Variants in ARMC2 observed in about 807,000 individuals in gnomAD.
ARMC2 encodes armadillo repeat containing 2.
In ARMC2, 67 loss-of-function variants were observed where a neutral mutation model predicts 90.3. That is an observed-to-expected ratio of 0.74 (90% CI 0.61 to 0.91). The LOEUF is 0.91. Among genes scored for constraint, ARMC2 ranks in the 40% least tolerant of loss-of-function variants. The probability of loss-of-function intolerance (pLI) is 0.00; values close to 1 mark genes in which losing one functional copy is unlikely to be tolerated. For missense variants in ARMC2, 920 were observed against 1,030.9 expected (o/e 0.89, Z 1.47); for synonymous variants, 393 against 393.0 (o/e 1.00, Z 0.00).
chr6:108,983,492 T>C, the ARMC2 span, among the ~76,000 whole-genome samples: 3 of 152,198 alleles, frequency 2.0e-5, no homozygotes, highest in South Asian at 6.2e-4. Flanking sequence ...CCTAGCACCA[T>C]TTGTTAAAGA....
downstream of ARMC2, among the ~76,000 whole-genome samples, chr6:108,977,650 C>T (rs989557508): frequency 6.6e-6 from 1 of 152,144 alleles, no homozygotes; most frequent in African/African-American, 2.4e-5. Flanking sequence ...GGTTGATATG[C>T]TATTAATTGC....
intron 4 of ARMC2, among the ~76,000 whole-genome samples, 172 bp downstream of exon 4, chr6:108,869,167 G>A (rs188856554): frequency 3.2e-4 from 48 of 152,302 alleles, no homozygotes; most frequent in Admixed American, 2.9e-3. Context: ...TATTTTTCTG[G>A]GTGCTTATAA....
At chr6:108,998,122 C>T in the ARMC2 span, among the ~76,000 whole-genome samples, 2 of 152,092 alleles carry the variant, frequency 1.3e-5, no homozygotes, top group Admixed American at 6.6e-5. Flanking sequence ...TTATTTTGTG[C>T]AAAAGAGAAG....
the ARMC2 span, chr6:109,000,705 T>C: frequency 1.2e-5 from 17 of 1,461,146 alleles, no homozygotes; most frequent in East Asian, 3.0e-4. Flanking sequence ...TAATTATAAA[T>C]ATTAAAACCT....
the ARMC2 span, among the ~76,000 whole-genome samples, chr6:109,013,676 G>A: frequency 6.6e-6 from 1 of 152,168 alleles, no homozygotes; most frequent in South Asian, 2.1e-4. Context: ...TGCAGTAATT[G>A]GTTAGAAAAC....
the ARMC2 span, chr6:108,990,835 C>T: frequency 1.9e-6 from 3 of 1,612,848 alleles, no homozygotes; most frequent in Non-Finnish European, 2.5e-6. Context: ...CAGCAATAGT[C>T]CTAAATACAG....
intron 10 of ARMC2, among the ~76,000 whole-genome samples, chr6:108,914,740 A>G (rs951696746): frequency 2.0e-5 from 3 of 152,162 alleles, no homozygotes; most frequent in African/African-American, 7.2e-5. Flanking sequence ...AATGAAAACA[A>G]AAGCTGTTTT....
At chr6:108,889,557 C>T (rs1468095199) in intron 5 of ARMC2, among the ~76,000 whole-genome samples, 4 of 151,962 alleles carry the variant, frequency 2.6e-5, no homozygotes, top group African/African-American at 9.7e-5. Flanking sequence ...CCTCCTGCCT[C>T]AGCCTCCAAA....
intron 16 of ARMC2, 60 bp downstream of exon 16, chr6:108,964,372 G>C: frequency 6.4e-7 from 1 of 1,571,892 alleles, no homozygotes; most frequent in Non-Finnish European, 8.6e-7. Flanking sequence ...CATTTTCTTG[G>C]GAGCTTTGGC....
chr6:108,912,307 C>G, intron 9 of ARMC2, 28 bp from the exon 10 acceptor site: 1 of 1,500,544 alleles, frequency 6.7e-7, no homozygotes. Flanking sequence ...TATACTCAGA[C>G]ATTTATAATA....
the ARMC2 span, among the ~76,000 whole-genome samples, chr6:109,020,599 C>T: frequency 6.6e-6 from 1 of 152,084 alleles, no homozygotes; most frequent in Non-Finnish European, 1.5e-5. Flanking sequence ...ATTTTTTCCT[C>T]TTTATTTCTA....
chr6:108,954,233 C>G (rs1777401582), intron 13 of ARMC2, among the ~76,000 whole-genome samples: 1 of 152,174 alleles, frequency 6.6e-6, no homozygotes, highest in Admixed American at 6.5e-5. Context: ...ACAATTCAGT[C>G]CATGGCAACC....
chr6:108,915,236 G>A (rs561435157), intron 10 of ARMC2, among the ~76,000 whole-genome samples: 3 of 152,292 alleles, frequency 2.0e-5, no homozygotes, highest in African/African-American at 7.2e-5. Context: ...GATTATAGGT[G>A]TGAGTTACTG....
chr6:108,989,254 T>C, the ARMC2 span, among the ~76,000 whole-genome samples: 2 of 152,130 alleles, frequency 1.3e-5, no homozygotes. Flanking sequence ...CTGCCCGCCT[T>C]GGCTTCCCAA....
intron 8 of ARMC2, among the ~76,000 whole-genome samples, chr6:108,910,508 G>A (rs879614083): frequency 2.0e-5 from 3 of 152,062 alleles, no homozygotes; most frequent in Non-Finnish European, 4.4e-5. Flanking sequence ...GAAATATGGA[G>A]AACAGATTGG....
chr6:109,016,984 C>T, the ARMC2 span, among the ~76,000 whole-genome samples: 20,298 of 151,648 alleles, frequency 0.13, 1,888 homozygotes, highest in Non-Finnish European at 0.21. Context: ...AATATATGTT[C>T]GTATAAGTTT....
At chr6:109,013,100 G>A in the ARMC2 span, among the ~76,000 whole-genome samples, 1,975 of 129,410 alleles carry the variant, frequency 0.015, 45 homozygotes, top group African/African-American at 0.05. Context: ...TGGCAACAGG[G>A]AAAAAAAAAA....
the ARMC2 span, among the ~76,000 whole-genome samples, chr6:109,018,439 TA>T: frequency 6.6e-6 from 1 of 152,222 alleles, no homozygotes; most frequent in East Asian, 1.9e-4. Flanking sequence ...TCAGCTGAAG[TA>T]AAACTATAAT....
At chr6:109,022,555 CCCA>C in the ARMC2 span, among the ~76,000 whole-genome samples, 1 of 150,792 alleles carries the variant, frequency 6.6e-6, no homozygotes, top group Non-Finnish European at 1.5e-5. Flanking sequence ...CCTACAGGTG[CCCA>C]CCACCACGCC....
Sources: gnomAD v4.1 joint callset for allele counts (sites outside exome capture counted in the v4.1 genomes callset) on GRCh38, gnomAD v4.1.1 for gene constraint, MANE v1.5 for transcripts, NCBI Gene and HGNC (gene_info 2026-07-23, HGNC 2026-07-21) for gene names.